KMO: variants seen among roughly 807,000 people sequenced by gnomAD.
KMO encodes the protein kynurenine 3-monooxygenase, also known as kynurenine 3-hydroxylase.
A neutral mutation model predicts 57.8 loss-of-function variants in KMO; 24 were observed. The ratio of observed to expected loss-of-function variants is 0.42; its 90% CI spans 0.30 to 0.58. KMO has a LOEUF of 0.58. Among genes scored for constraint, KMO ranks in the 20% least tolerant of loss-of-function variants. The pLI is 0.22. For synonymous variants in KMO, 210 were observed against 193.6 expected (o/e 1.08, Z -0.70); for missense variants, 483 against 588.2 (o/e 0.82, Z 1.85).
intron 10 of KMO, among the ~76,000 whole-genome samples, chr1:241,578,673 G>A (rs1176995439): frequency 6.6e-6 from 1 of 152,150 alleles, no homozygotes; most frequent in Admixed American, 6.5e-5. Context: ...AATGCTGGTT[G>A]TAGGAGTAAT....
At position 241,566,842 on chromosome 1, in the gene KMO, C is replaced by T. The variant is rs11802055; in HGVS notation, c.809+230C>T. Among the ~76,000 whole-genome samples, 353 of 152,254 alleles carry T rather than the reference C, an allele frequency of 2.3e-3. 2 individuals carry two copies. The highest frequency in any genetic ancestry group is 7.9e-3 in the African/African-American group (327 of 41,550). ...CGGGAAAGATGAGCCACCAATGTCCCGAGGCTTTTGGGCATCTTATGCAGG... is the reference window on the plus strand; with the variant it reads ...CGGGAAAGATGAGCCACCAATGTCCTGAGGCTTTTGGGCATCTTATGCAGG... On this transcript the variant is annotated intron_variant, in intron 9 of 14. Coordinates refer to ENST00000366559, the MANE Select transcript of KMO (RefSeq NM_003679.5).
chr1:241,586,750 A>T lies in KMO; in HGVS notation c.1015+14A>T, dbSNP rs774898184. The T allele has an allele frequency of 6.3e-7, 1 of 1,575,170 alleles. No individual in the cohort carries two copies. Among genetic ancestry groups the T allele is most frequent in the Non-Finnish European group, 8.7e-7 (1 of 1,154,630 alleles). On this transcript the variant is annotated intron_variant, in intron 11 of 14. Transcript: ENST00000366559. ...GTAACGACCTTAGTAAGTAAGGTCAATTTCTCAACTGGACATGTACTAGCT... is the reference window on the plus strand; with the variant it reads ...GTAACGACCTTAGTAAGTAAGGTCATTTTCTCAACTGGACATGTACTAGCT...
chr1:241,582,612 A>G lies in KMO; in HGVS notation c.958-4067A>G, dbSNP rs996673162. 7.9e-5 allele frequency among the ~76,000 whole-genome samples: 12 copies of G among 152,166 alleles called. No homozygotes were observed. The East Asian group carries it at 2.3e-3, about 29-fold the overall frequency. ...GCTCCAAAATGTCTGCTTGATTTTTAAAAATTATTTCAATCTCTTTGTTAA... is the reference window on the plus strand; with the variant it reads ...GCTCCAAAATGTCTGCTTGATTTTTGAAAATTATTTCAATCTCTTTGTTAA... On this transcript the variant is annotated intron_variant, in intron 10 of 14. Transcript: ENST00000366559.
At chr1:241,562,391 C>T (rs1481238809) in intron 7 of KMO, 59 bp downstream of exon 7, 6 of 1,527,076 alleles carry the variant, frequency 3.9e-6, no homozygotes, top group African/African-American at 1.4e-5. Flanking sequence ...AGCGCGAATG[C>T]GTATTCTAGT....
chr1:241,548,246 C>T (rs966474424), intron 1 of KMO, among the ~76,000 whole-genome samples: 4 of 152,110 alleles, frequency 2.6e-5, no homozygotes, highest in Admixed American at 2.0e-4. Context: ...GACTGGGCAA[C>T]ATAGTGAGAC....
intron 1 of KMO, among the ~76,000 whole-genome samples, chr1:241,534,927 T>C (rs1460145510): frequency 6.6e-5 from 10 of 152,166 alleles, no homozygotes; most frequent in Admixed American, 6.5e-4. Flanking sequence ...TTTTTATTTG[T>C]TAATCTTATC....
chr1:241,591,159 T>G (rs1663281869), intron 14 of KMO, among the ~76,000 whole-genome samples: 1 of 151,970 alleles, frequency 6.6e-6, no homozygotes, highest in Admixed American at 6.5e-5. Flanking sequence ...GAGCTGAAAG[T>G]CTAAAAGGGG....
At chr1:241,551,114 T>TCCAGA (rs1248756128) in intron 4 of KMO, 70 bp downstream of exon 4, 3 of 827,522 alleles carry the variant, frequency 3.6e-6, no homozygotes, top group Non-Finnish European at 6.0e-6. Flanking sequence ...GCCTCTTGTT[T>TCCAGA]GATGGCCCCT....
chr1:241,559,429 T>C (rs938964797), intron 5 of KMO, among the ~76,000 whole-genome samples: 1 of 115,900 alleles, frequency 8.6e-6, no homozygotes. Flanking sequence ...TATATACTTA[T>C]GTAAAAAATA....
At chr1:241,561,023 C>CCT (rs1661815917) in intron 6 of KMO, among the ~76,000 whole-genome samples, 1 of 152,128 alleles carries the variant, frequency 6.6e-6, no homozygotes, top group South Asian at 2.1e-4. Context: ...CAAACTCTCT[C>CCT]CTCTCTCAAA....
intron 1 of KMO, among the ~76,000 whole-genome samples, chr1:241,547,461 A>G (rs1295665520): frequency 6.6e-6 from 1 of 152,068 alleles, no homozygotes; most frequent in Non-Finnish European, 1.5e-5. Context: ...TAGGCAACCC[A>G]ATAGAAAATG....
chr1:241,540,077 A>AAATATAC (rs1162491596), intron 1 of KMO, among the ~76,000 whole-genome samples: 1 of 152,216 alleles, frequency 6.6e-6, no homozygotes, highest in African/African-American at 2.4e-5. Context: ...TTATGAAAGA[A>AAATATAC]AATATACAAC....
chr1:241,558,967 G>A (rs530322077), intron 5 of KMO, among the ~76,000 whole-genome samples: 1 of 152,034 alleles, frequency 6.6e-6, no homozygotes, highest in South Asian at 2.1e-4. Context: ...ATAAAAATTA[G>A]CTGGGCGTGT....
chr1:241,542,224 G>A (rs12076981), intron 1 of KMO, among the ~76,000 whole-genome samples: 9,749 of 152,184 alleles, frequency 0.064, 513 homozygotes, highest in African/African-American at 0.15. Context: ...TGTTAGAGGG[G>A]TCACATGGGA....
intron 7 of KMO, among the ~76,000 whole-genome samples, chr1:241,564,248 G>A (rs543044034): frequency 2.6e-5 from 4 of 152,224 alleles, no homozygotes; most frequent in African/African-American, 9.6e-5. Flanking sequence ...ATACAAATAT[G>A]AAATAATTGG....
At chr1:241,554,227 T>C (rs866271879) in intron 4 of KMO, among the ~76,000 whole-genome samples, 2 of 132,034 alleles carry the variant, frequency 1.5e-5, no homozygotes, top group Non-Finnish European at 1.6e-5. Flanking sequence ...AATACTTTTC[T>C]TTCCTTCCTT....
At chr1:241,568,078 C>G (rs906207762) in intron 9 of KMO, among the ~76,000 whole-genome samples, 3 of 152,124 alleles carry the variant, frequency 2.0e-5, no homozygotes, top group African/African-American at 7.2e-5. Context: ...TTATCTATTT[C>G]CAAATACATA....
Position 241,590,266 on chromosome 1 carries a change from T to C in KMO, c.1260+3T>C. On this transcript the variant is annotated splice_donor_region_variant and intron_variant, in intron 14 of 14. Coordinates refer to ENST00000366559, the MANE Select transcript of KMO (RefSeq NM_003679.5). ...AGCGTTGGCATTGGCAAAAAAAGGT[T>C]GGAACAGTTACATTTTATTTATTTT... 6.2e-7 allele frequency: 1 copy of C among 1,608,458 alleles called. No individual in the cohort carries two copies. The highest frequency in any genetic ancestry group is 8.5e-7 in the Non-Finnish European group (1 of 1,174,932).
intron 1 of KMO, among the ~76,000 whole-genome samples, chr1:241,544,462 A>C (rs1439046401): frequency 6.6e-6 from 1 of 152,272 alleles, no homozygotes; most frequent in East Asian, 1.9e-4. Flanking sequence ...CTCAAGGGTA[A>C]CTTCTACTGC....
Sources: allele counts gnomAD v4.1 joint callset (sites outside exome capture counted in the v4.1 genomes callset), GRCh38; gene constraint gnomAD v4.1.1; transcripts MANE v1.5; gene names NCBI Gene and HGNC (gene_info 2026-07-23, HGNC 2026-07-21).